The following AKT3 variants were observed in gnomAD, a reference collection of about 807,000 sequenced individuals.
The protein encoded by AKT3 is RAC-gamma serine/threonine-protein kinase.
AKT3 carries 15 observed loss-of-function variants against 65.3 expected under a neutral mutation model. The ratio of observed to expected loss-of-function variants is 0.23; its 90% CI spans 0.15 to 0.35. AKT3 has a LOEUF of 0.35. AKT3 is among the 10% of genes least tolerant of loss of function. AKT3 has a pLI of 1.00. For synonymous variants in AKT3, 206 were observed against 183.8 expected (o/e 1.12, Z -0.98); for missense variants, 243 against 576.5 (o/e 0.42, Z 5.92).
chr1:243,821,720 A>G (rs923091416), intron 2 of AKT3, among the ~76,000 whole-genome samples: 5 of 152,246 alleles, frequency 3.3e-5, no homozygotes, highest in Non-Finnish European at 4.4e-5. Context: ...GATTAAATCA[A>G]CAAGAGCTAA....
intron 3 of AKT3, among the ~76,000 whole-genome samples, chr1:243,693,703 A>C (rs1684869192): frequency 6.6e-6 from 1 of 152,194 alleles, no homozygotes; most frequent in South Asian, 2.1e-4. Context: ...CTACTTCTTC[A>C]GCTAGTATCC....
intron 1 of AKT3, among the ~76,000 whole-genome samples, chr1:243,849,664 G>A (rs1331400298): frequency 1.3e-5 from 2 of 151,054 alleles, no homozygotes; most frequent in South Asian, 2.1e-4. Flanking sequence ...GGAGGGGCGA[G>A]GGGAAGGAGC....
chr1:243,770,314 C>T (rs1356968955), intron 2 of AKT3, among the ~76,000 whole-genome samples: 1 of 152,072 alleles, frequency 6.6e-6, no homozygotes, highest in Non-Finnish European at 1.5e-5. Context: ...AGGGCATTAT[C>T]CTATCCCATT....
downstream of AKT3, among the ~76,000 whole-genome samples, chr1:243,497,616 T>C (rs775317047): frequency 2.0e-5 from 3 of 152,150 alleles, no homozygotes; most frequent in Admixed American, 6.5e-5. Context: ...CCACAGGCAT[T>C]ATGTAGACTC....
intron 13 of AKT3, among the ~76,000 whole-genome samples, chr1:243,492,294 GCTT>G (rs1558547715): frequency 1.7e-5 from 1 of 60,162 alleles, no homozygotes; most frequent in Non-Finnish European, 3.2e-5. Flanking sequence ...TCGTTTCTTG[GCTT>G]TTTTTTTTTT....
intron 2 of AKT3, among the ~76,000 whole-genome samples, chr1:243,768,148 T>C (rs1205189065): frequency 6.6e-6 from 1 of 150,494 alleles, no homozygotes; most frequent in African/African-American, 2.4e-5. Context: ...AGCTAGGAGA[T>C]ATACATACAT....
chr1:243,846,988 C>G (rs1415714648), intron 1 of AKT3, among the ~76,000 whole-genome samples: 2 of 152,164 alleles, frequency 1.3e-5, no homozygotes, highest in Non-Finnish European at 2.9e-5. Context: ...AGCATTAACT[C>G]TAAACTGAAT....
At chr1:243,831,888 A>G (rs1694538939) in intron 2 of AKT3, among the ~76,000 whole-genome samples, 2 of 152,130 alleles carry the variant, frequency 1.3e-5, no homozygotes, top group South Asian at 4.1e-4. Flanking sequence ...AATCTGAAGT[A>G]TCTAAGATCA....
intron 13 of AKT3, among the ~76,000 whole-genome samples, chr1:243,505,752 T>C (rs1669628797): frequency 6.6e-6 from 1 of 152,226 alleles, no homozygotes; most frequent in African/African-American, 2.4e-5. Context: ...GTGCTTATAT[T>C]TTTTCTTTGT....
chr1:243,616,355 G>A (rs959468735), intron 6 of AKT3, among the ~76,000 whole-genome samples: 1 of 143,396 alleles, frequency 7.0e-6, no homozygotes, highest in Non-Finnish European at 1.5e-5. Flanking sequence ...CCTACTGTAG[G>A]TGATCATTTT....
intron 8 of AKT3, among the ~76,000 whole-genome samples, chr1:243,588,898 T>C (rs2148545244): frequency 6.6e-6 from 1 of 152,326 alleles, no homozygotes; most frequent in East Asian, 1.9e-4. Context: ...GTGGGACTAC[T>C]ATTTATCTCT....
Position 243,637,614 on chromosome 1 carries a change from T to C in AKT3, c.558A>G (p.Ala186=). The change falls in exon 6 of 14, where the codon GCA becomes GCG. Residue 186 remains alanine (A), a synonymous_variant. Coordinates refer to ENST00000673466, the MANE Select transcript of AKT3 (RefSeq NM_005465.7). Reference sequence around the variant, plus strand: ...TCAACTTTAATAAATCAGTTACCTTTGCAATAATGACTTCTTTCTTCAGAA... The same window carrying C: ...TCAACTTTAATAAATCAGTTACCTTCGCAATAATGACTTCTTTCTTCAGAA... ...MKILKKEVII[A]KDEVAHTLTE... is the part of the protein sequence containing the mutation. 1.3e-6 allele frequency: 2 copies of C among 1,594,040 alleles called. No individual in the cohort carries two copies. The highest frequency in any genetic ancestry group is 1.7e-6 in the Non-Finnish European group (2 of 1,171,644).
chr1:243,498,380 C>T (rs952881631), downstream of AKT3, among the ~76,000 whole-genome samples: 3 of 152,166 alleles, frequency 2.0e-5, no homozygotes, highest in African/African-American at 7.2e-5. Flanking sequence ...CAAAGCATCC[C>T]GTGGGCCCAG....
At chr1:243,586,022 A>C (rs1675775547) in intron 8 of AKT3, among the ~76,000 whole-genome samples, 1 of 152,220 alleles carries the variant, frequency 6.6e-6, no homozygotes, top group Non-Finnish European at 1.5e-5. Context: ...AAAGTTAAAC[A>C]ATTGAACAAG....
intron 2 of AKT3, among the ~76,000 whole-genome samples, chr1:243,808,605 T>C (rs1012635591): frequency 2.0e-5 from 3 of 152,180 alleles, no homozygotes; most frequent in Non-Finnish European, 4.4e-5. Flanking sequence ...GAAAACACTC[T>C]ACAGGATATT....
At chr1:243,720,950 C>G (rs1244562861) in intron 2 of AKT3, among the ~76,000 whole-genome samples, 1 of 152,122 alleles carries the variant, frequency 6.6e-6, no homozygotes, top group Non-Finnish European at 1.5e-5. Context: ...TATGGCACTT[C>G]AGCACACAAA....
intron 2 of AKT3, among the ~76,000 whole-genome samples, chr1:243,840,946 A>G (rs1204466048): frequency 6.6e-6 from 1 of 151,660 alleles, no homozygotes; most frequent in African/African-American, 2.4e-5. Flanking sequence ...TAATGATGAG[A>G]CAATTAAAAA....
At chr1:243,665,467 T>G (rs1490878194) in intron 3 of AKT3, among the ~76,000 whole-genome samples, 1 of 152,216 alleles carries the variant, frequency 6.6e-6, no homozygotes, top group Non-Finnish European at 1.5e-5. Context: ...TAACTCTTAG[T>G]ATCCACTGCC....
At chr1:243,812,070 T>A (rs925018451) in intron 2 of AKT3, among the ~76,000 whole-genome samples, 2 of 152,178 alleles carry the variant, frequency 1.3e-5, no homozygotes, top group Non-Finnish European at 2.9e-5. Context: ...ATAAAAACCC[T>A]AGAAGAAAAC....
Sources: gnomAD v4.1 joint callset for allele counts (sites outside exome capture counted in the v4.1 genomes callset) on GRCh38, gnomAD v4.1.1 for gene constraint, MANE v1.5 for transcripts, NCBI Gene and HGNC (gene_info 2026-07-23, HGNC 2026-07-21) for gene names.